CUL4A: variants seen among roughly 807,000 people sequenced by gnomAD.
The protein encoded by CUL4A is cullin 4A, also known as cullin-4A.
Under a neutral mutation model 95.5 loss-of-function variants are expected in CUL4A, and 16 were observed. The observed-to-expected ratio is 0.17, with a 90% CI of 0.11 to 0.25. CUL4A has a LOEUF of 0.25. CUL4A is among the 10% of genes least tolerant of loss of function. The pLI is 1.00. For missense variants in CUL4A, 610 were observed against 937.0 expected (o/e 0.65, Z 4.56); for synonymous variants, 380 against 353.1 (o/e 1.08, Z -0.85).
chr13:113,251,059 A>G (rs1273621445), intron 15 of CUL4A, among the ~76,000 whole-genome samples: 1 of 152,194 alleles, frequency 6.6e-6, no homozygotes, highest in Non-Finnish European at 1.5e-5. Context: ...AGCAGCAGGC[A>G]TTTATGCAGC....
chr13:113,238,982 C>T (rs2041627657), intron 9 of CUL4A, among the ~76,000 whole-genome samples: 1 of 152,182 alleles, frequency 6.6e-6, no homozygotes, highest in African/African-American at 2.4e-5. Flanking sequence ...TTAAACACTT[C>T]AAAATATCCG....
In CUL4A at chr13:113,245,613, A is replaced by G. The variant is rs570586949; in HGVS notation, c.1531-343A>G. On this transcript the variant is annotated intron_variant, in intron 14 of 19. Transcript: ENST00000375440. The stretch of plus-strand genomic sequence containing the variant: ...GCAGTACCTTGTCATAGATAGATAA[A>G]TAGATAAGGTAGGTAGATTCAATAG... Among the ~76,000 whole-genome samples the G allele has an allele frequency of 4.6e-5, 7 of 152,368 alleles. No individual in the cohort carries two copies. In the East Asian group the frequency reaches 1.2e-3, roughly 25 times the overall value.
chr13:113,220,910 C>T (rs1209028733), intron 3 of CUL4A, among the ~76,000 whole-genome samples: 4 of 152,036 alleles, frequency 2.6e-5, no homozygotes, highest in Admixed American at 2.6e-4. Flanking sequence ...ACTGTGATTA[C>T]AAAAATTATC....
chr13:113,245,936 C>T lies in CUL4A; in HGVS notation c.1531-20C>T. On this transcript the variant is annotated intron_variant, in intron 14 of 19. Transcript: ENST00000375440. ...TTTATTACTTTCTCAAAATGATTGT[C>T]TTGGATTTCTCTGTTTTAGCATATG... 3 of 1,532,274 alleles carry T rather than the reference C, an allele frequency of 2.0e-6. No individual in the cohort carries two copies. Among genetic ancestry groups the T allele is most frequent in the Non-Finnish European group, 2.7e-6 (3 of 1,113,480 alleles). The allele number at this position is 1,532,274 out of a possible 1,614,324, so 94.9% of individuals were successfully genotyped here. A position where few individuals can be genotyped will look rare whatever the true frequency, so the allele number is the denominator to read the frequency against.
At chr13:113,231,674 A>G (rs1489845992) in intron 5 of CUL4A, among the ~76,000 whole-genome samples, 4 of 152,200 alleles carry the variant, frequency 2.6e-5, no homozygotes, top group Admixed American at 6.5e-5. Context: ...GCACAGAGAC[A>G]TTAAGCTTCT....
intron 15 of CUL4A, among the ~76,000 whole-genome samples, chr13:113,249,079 G>C (rs566201610): frequency 1.3e-5 from 2 of 151,978 alleles, no homozygotes; most frequent in Admixed American, 6.5e-5. Flanking sequence ...TCCGGACCCC[G>C]GCAGCCACTA....
chr13:113,208,628 G>A (rs1419584809), upstream of CUL4A: 6 of 1,607,878 alleles, frequency 3.7e-6, no homozygotes, highest in African/African-American at 2.7e-5. Context: ...ATGGTAATGT[G>A]CGCCATGGGA....
intron 3 of CUL4A, among the ~76,000 whole-genome samples, chr13:113,224,948 T>C (rs1225660907): frequency 6.6e-6 from 1 of 152,228 alleles, no homozygotes; most frequent in Non-Finnish European, 1.5e-5. Flanking sequence ...GGGCCACTTG[T>C]TCCTGGAATT....
chr13:113,230,072 A>G (rs2041256912), intron 5 of CUL4A: 1 of 190,060 alleles, frequency 5.3e-6, no homozygotes, highest in Non-Finnish European at 1.1e-5. Context: ...TGGCCACCCC[A>G]TGGCGCTGAA....
At chr13:113,226,019 A>G (rs984941082) in intron 3 of CUL4A, among the ~76,000 whole-genome samples, 4 of 152,204 alleles carry the variant, frequency 2.6e-5, no homozygotes, top group African/African-American at 9.6e-5. Context: ...CTTTGGTCAC[A>G]GCACTTCCTG....
chr13:113,209,080 T>G (rs1567001387), upstream of CUL4A: 1 of 183,534 alleles, frequency 5.4e-6, no homozygotes. Context: ...TCCCGAGCTC[T>G]CATAAGGTGC....
At chr13:113,261,785 G>A (rs1223795110) in intron 19 of CUL4A, among the ~76,000 whole-genome samples, 1 of 151,512 alleles carries the variant, frequency 6.6e-6, no homozygotes, top group African/African-American at 2.4e-5. Context: ...CGGGTAGTTG[G>A]GTTTTTTTTT....
chr13:113,253,202 T>C lies in CUL4A; in HGVS notation c.1752+7T>C, dbSNP rs762836282. The C allele has an allele frequency of 1.2e-5, 17 of 1,450,048 alleles. No homozygotes were observed. The highest frequency in any genetic ancestry group is 1.6e-5 in the Non-Finnish European group (17 of 1,065,938). The allele number at this position is 1,450,048 out of a possible 1,614,324, so 89.8% of individuals were successfully genotyped here. On this transcript the variant is annotated splice_region_variant and intron_variant, in intron 16 of 19. Coordinates refer to ENST00000375440, the MANE Select transcript of CUL4A (RefSeq NM_001008895.4). ...AAAAGCGGAGTTTAAAGAAGTAAGTTGTCTGTTTCATTTATTTTTTATTAT... is the reference window on the plus strand; with the variant it reads ...AAAAGCGGAGTTTAAAGAAGTAAGTCGTCTGTTTCATTTATTTTTTATTAT...
In CUL4A at chr13:113,246,001, A is replaced by G. The variant is rs2041847382; in HGVS notation, c.1576A>G (p.Asn526Asp). Residue 526 changes from asparagine (N) to aspartate (D), a missense_variant, in exon 15 of 20, where the codon AAC becomes GAC. This residue lies in a region of CUL4A where 44 missense variants were observed against 75.6 expected (regional missense o/e 0.58). Transcript: ENST00000375440. Reference sequence around the variant, plus strand: ...CTCAGGCCCTATAGACCTCACAGTGAACATACTCACAATGGGCTACTGGCC... The same window carrying G: ...CTCAGGCCCTATAGACCTCACAGTGGACATACTCACAATGGGCTACTGGCC... Reference protein sequence around the residue: ...SDSGPIDLTVNILTMGYWPTY... With the variant: ...SDSGPIDLTVDILTMGYWPTY... 1 of 1,613,904 alleles carries G rather than the reference A, an allele frequency of 6.2e-7. No homozygotes were observed. Among genetic ancestry groups the G allele is most frequent in the Admixed American group, 1.7e-5 (1 of 60,008 alleles).
At chr13:113,238,879 A>G (rs2041624718) in intron 9 of CUL4A, among the ~76,000 whole-genome samples, 1 of 152,236 alleles carries the variant, frequency 6.6e-6, no homozygotes, top group Admixed American at 6.5e-5. Context: ...TATTTAGAAA[A>G]TCTATGAGAG....
At chr13:113,252,369 T>TACAACA (rs1178789374) in intron 15 of CUL4A, among the ~76,000 whole-genome samples, 1 of 151,914 alleles carries the variant, frequency 6.6e-6, no homozygotes. Context: ...GACCCATCTC[T>TACAACA]ACAACAACAA....
chr13:113,234,751 A>T (rs1460792060), intron 7 of CUL4A, among the ~76,000 whole-genome samples: 1 of 152,174 alleles, frequency 6.6e-6, no homozygotes, highest in East Asian at 1.9e-4. Flanking sequence ...AGTGAGGCTC[A>T]GCTCCCTGTG....
At chr13:113,234,472 G>A (rs751608391) in intron 7 of CUL4A, among the ~76,000 whole-genome samples, 4 of 152,156 alleles carry the variant, frequency 2.6e-5, no homozygotes, top group Admixed American at 6.5e-5. Context: ...CAAATGGTGC[G>A]TGCTACTGCC....
chr13:113,235,514 C>T (rs1002350246), intron 8 of CUL4A, among the ~76,000 whole-genome samples: 2 of 152,170 alleles, frequency 1.3e-5, no homozygotes, highest in Non-Finnish European at 2.9e-5. Context: ...ACACAATTTT[C>T]TCTTTTCATC....
Sources: allele counts gnomAD v4.1 joint callset (sites outside exome capture counted in the v4.1 genomes callset), GRCh38; gene constraint gnomAD v4.1.1; regional missense constraint gnomAD v4.1.1; transcripts MANE v1.5; gene names NCBI Gene and HGNC (gene_info 2026-07-23, HGNC 2026-07-21).